Variants in LRRK1 observed in about 807,000 individuals in gnomAD.
LRRK1 encodes the protein leucine-rich repeat serine/threonine-protein kinase 1.
A neutral mutation model predicts 209.1 loss-of-function variants in LRRK1; 113 were observed. The ratio of observed to expected loss-of-function variants is 0.54; its 90% CI spans 0.46 to 0.63. The LOEUF (loss-of-function observed/expected upper bound fraction) is 0.63, where lower values mean the gene tolerates loss of function less well. Ranked by LOEUF, LRRK1 falls within the 30% of genes least tolerant of loss-of-function variation. The pLI is 0.00. For missense variants in LRRK1, 2,284 were observed against 2,632.2 expected (o/e 0.87, Z 2.89); for synonymous variants, 1,144 against 1,099.7 (o/e 1.04, Z -0.80).
chr15:100,989,255 G>T lies in LRRK1; in HGVS notation c.619G>T (p.Glu207Ter). ...TTTTGGTTTTGTTCCTTTAGGGAAT[G>T]AAGACATTGCAATATTCCTGCTTCG... Reference protein sequence around the residue: ...PLYAAIKSGNEDIAIFLLRHG... With the variant: ...PLYAAIKSGN The change falls in exon 6 of 34, where the codon GAA (glutamate) becomes TAA (stop). Residue 207 changes from glutamate (E) to a stop codon, truncating the protein, a stop_gained. Coordinates refer to ENST00000388948, the MANE Select transcript of LRRK1 (RefSeq NM_024652.6). LOFTEE classifies it high-confidence loss of function. 1 of 1,614,014 alleles carries T rather than the reference G, an allele frequency of 6.2e-7. No homozygotes were observed. The highest frequency in any genetic ancestry group is 8.5e-7 in the Non-Finnish European group (1 of 1,179,898).
At chr15:100,951,130 G>A (rs2042643655) in intron 2 of LRRK1, among the ~76,000 whole-genome samples, 1 of 152,092 alleles carries the variant, frequency 6.6e-6, no homozygotes, top group South Asian at 2.1e-4. Flanking sequence ...GGTCTAAACA[G>A]ACTAAATAGA....
intron 2 of LRRK1, among the ~76,000 whole-genome samples, chr15:100,935,599 A>T (rs957789972): frequency 6.6e-6 from 1 of 152,112 alleles, no homozygotes; most frequent in African/African-American, 2.4e-5. Context: ...AGAGCCCTGG[A>T]GAGAAGGCAC....
chr15:100,941,409 T>TGTGTG (rs2042420410), intron 2 of LRRK1, among the ~76,000 whole-genome samples: 7 of 12,856 alleles, frequency 5.4e-4, no homozygotes, highest in African/African-American at 9.8e-4. Flanking sequence ...TCTGTGTGTG[T>TGTGTG]CTCTGTGTGT....
chr15:100,921,025 A>G (rs77203790), intron 1 of LRRK1, among the ~76,000 whole-genome samples: 2,411 of 152,016 alleles, frequency 0.016, 60 homozygotes, highest in African/African-American at 0.053. Flanking sequence ...CTGAAAACCC[A>G]CGCTCCCTCT....
chr15:100,963,476 T>C (rs1391781575), intron 2 of LRRK1, among the ~76,000 whole-genome samples: 1 of 152,224 alleles, frequency 6.6e-6, no homozygotes, highest in Non-Finnish European at 1.5e-5. Flanking sequence ...CTAGCGCTGC[T>C]GTAGACGTTA....
chr15:100,926,652 C>G (rs373079505), intron 2 of LRRK1, among the ~76,000 whole-genome samples: 2 of 138,800 alleles, frequency 1.4e-5, no homozygotes, highest in Non-Finnish European at 1.6e-5. Flanking sequence ...CATTTTCTTT[C>G]TTTCTTTTCT....
At chr15:101,059,181 G>A (rs1340639239) in intron 29 of LRRK1, among the ~76,000 whole-genome samples, 1 of 152,128 alleles carries the variant, frequency 6.6e-6, no homozygotes, top group Non-Finnish European at 1.5e-5. Context: ...TTTGAGTTCA[G>A]GAGTTTGAGA....
chr15:100,989,210 G>C (rs535370504), intron 5 of LRRK1, 40 bp from the exon 6 acceptor site: 7 of 1,486,200 alleles, frequency 4.7e-6, no homozygotes, highest in African/African-American at 4.4e-5. Flanking sequence ...TGTGACACTA[G>C]CATCTGCATG....
chr15:101,021,565 A>G (rs1033905985), intron 13 of LRRK1: 27 of 505,860 alleles, frequency 5.3e-5, no homozygotes, highest in Non-Finnish European at 8.0e-5. Context: ...AGAGGTAGTG[A>G]TCATCTTTAT....
Position 101,076,204 on chromosome 15 carries a change from C to CT in LRRK1, c.*7356_*7357insT, listed in dbSNP as rs2036982265. 1 of 152,110 alleles carries CT rather than the reference C, an allele frequency of 6.6e-6. No individual in the cohort carries two copies. Among genetic ancestry groups the CT allele is most frequent in the South Asian group, 2.1e-4 (1 of 4,818 alleles). 9.4% of individuals were successfully genotyped at this position (152,110 alleles called of 1,614,324 possible). A position where few individuals can be genotyped will look rare whatever the true frequency, so the allele number is the denominator to read the frequency against. ...GTCTCTGTGCAGCGGCTGCTGCCAC[C>CT]CTAATACTTTTAGAGGCCCTCAAAA... On this transcript the variant is annotated 3_prime_UTR_variant, in exon 34 of 34. Coordinates refer to ENST00000388948, the MANE Select transcript of LRRK1 (RefSeq NM_024652.6).
chr15:101,060,206 G>GAATT (rs1172027957), intron 29 of LRRK1, among the ~76,000 whole-genome samples: 6 of 152,170 alleles, frequency 3.9e-5, no homozygotes, highest in Admixed American at 3.9e-4. Flanking sequence ...ATCTGTCTGA[G>GAATT]AATTAAGGAA....
At chr15:101,014,781 A>G (rs891795087) in intron 11 of LRRK1, among the ~76,000 whole-genome samples, 2 of 152,188 alleles carry the variant, frequency 1.3e-5, no homozygotes, top group Non-Finnish European at 2.9e-5. Flanking sequence ...ATTTTAACTT[A>G]GTTACCTCCT....
chr15:101,067,969 C>G (rs943075687), intron 33 of LRRK1, among the ~76,000 whole-genome samples: 1 of 152,178 alleles, frequency 6.6e-6, no homozygotes, highest in Non-Finnish European at 1.5e-5. Flanking sequence ...CAAGGCCACG[C>G]GGAGTGAGAG....
At chr15:101,055,270 G>T (rs766464978) in intron 27 of LRRK1, 47 bp downstream of exon 27, 2 of 1,488,188 alleles carry the variant, frequency 1.3e-6, no homozygotes, top group Admixed American at 5.0e-5. Flanking sequence ...TAGGAGCCCA[G>T]CCCTCAGGCT....
chr15:100,976,204 G>A (rs62021188), intron 3 of LRRK1, among the ~76,000 whole-genome samples: 6,150 of 152,212 alleles, frequency 0.04, 195 homozygotes, highest in Non-Finnish European at 0.065. Context: ...CAAATTCTAG[G>A]TCTACATGGT....
rs147928007 is a variant in LRRK1, at chr15:100,923,600, C to G, written c.-122-911C>G. The stretch of plus-strand genomic sequence containing the variant: ...GGGTCTTACCCTCCCTCTGGTCCTT[C>G]AATCACCATACCAGGATGGGCACTT... On this transcript the variant is annotated intron_variant, in intron 1 of 33. Coordinates refer to ENST00000388948, the MANE Select transcript of LRRK1 (RefSeq NM_024652.6). Among the ~76,000 whole-genome samples, 1,008 of 152,318 alleles carry G rather than the reference C, an allele frequency of 6.6e-3. 7 individuals are homozygous for G. Among genetic ancestry groups the G allele is most frequent in the Middle Eastern group, 0.01 (3 of 292 alleles).
At position 101,046,166 on chromosome 15, in the gene LRRK1, G is replaced by A. The variant is rs186012637; in HGVS notation, c.3135+14G>A. On this transcript the variant is annotated intron_variant, in intron 21 of 33. Coordinates refer to ENST00000388948, the MANE Select transcript of LRRK1 (RefSeq NM_024652.6). ...ATGGACCTGCAGGTATTATGGCTGC[G>A]GTTTCTGCATAGACAGATGCCCGAG... 2.2e-5 allele frequency: 35 copies of A among 1,613,130 alleles called. No individual in the cohort carries two copies. The highest frequency in any genetic ancestry group is 1.6e-4 in the East Asian group (7 of 44,848).
chr15:100,991,481 C>T (rs1236880999), intron 6 of LRRK1, among the ~76,000 whole-genome samples: 1 of 152,012 alleles, frequency 6.6e-6, no homozygotes, highest in Non-Finnish European at 1.5e-5. Context: ...AATGAACTAT[C>T]TATATATTTA....
intron 2 of LRRK1, among the ~76,000 whole-genome samples, chr15:100,967,670 A>G (rs991270152): frequency 6.6e-6 from 1 of 152,190 alleles, no homozygotes. Context: ...GTTATGAAAA[A>G]TTTCAAACAT....
Sources: allele counts gnomAD v4.1 joint callset (sites outside exome capture counted in the v4.1 genomes callset), GRCh38; gene constraint gnomAD v4.1.1; transcripts MANE v1.5; gene names NCBI Gene and HGNC (gene_info 2026-07-23, HGNC 2026-07-21).